The following PKHD1 variants were observed in gnomAD, a reference collection of about 807,000 sequenced individuals.
PKHD1 encodes fibrocystin.
PKHD1 carries 291 observed loss-of-function variants against 412.0 expected under a neutral mutation model. That is an observed-to-expected ratio of 0.71 (90% CI 0.64 to 0.78). The LOEUF (loss-of-function observed/expected upper bound fraction) is 0.78. Among genes scored for constraint, PKHD1 ranks in the 30% least tolerant of loss-of-function variants. The probability of loss-of-function intolerance (pLI) is 0.00; values close to 1 mark genes in which losing one functional copy is unlikely to be tolerated. For synonymous variants in PKHD1, 1,777 were observed against 1,821.5 expected (o/e 0.98, Z 0.62); for missense variants, 4,825 against 4,950.7 (o/e 0.97, Z 0.76).
rs75668164 is a variant in PKHD1, at chr6:52,041,897, T to C, written c.3097+962A>G. On this transcript the variant is annotated intron_variant, in intron 27 of 66. Coordinates refer to ENST00000371117, the MANE Select transcript of PKHD1 (RefSeq NM_138694.4). ...GCACTTTGTCTAGGGGAAACAAAAA[T>C]GACTGAGTCACCTGTTTGCCTTAAG... is the stretch of plus-strand genomic sequence containing the variant. Among the ~76,000 whole-genome samples the C allele has an allele frequency of 7.4e-4, 113 of 152,288 alleles. 2 individuals carry two copies. The East Asian group carries it at 0.016, about 22-fold the overall frequency.
chr6:51,981,669 A>G (rs1795329950), intron 35 of PKHD1, among the ~76,000 whole-genome samples: 1 of 140,568 alleles, frequency 7.1e-6, no homozygotes, highest in Non-Finnish European at 1.6e-5. Flanking sequence ...GGCTCGCTAC[A>G]GCCTCCACCT....
intron 55 of PKHD1, among the ~76,000 whole-genome samples, chr6:51,761,795 T>C (rs1788060607): frequency 2.6e-5 from 4 of 151,920 alleles, no homozygotes. Context: ...AGACTGGATG[T>C]CTTATATATT....
In PKHD1 at chr6:51,748,264, A is replaced by T; in HGVS notation, c.9352T>A (p.Trp3118Arg). ...CTTGAATGCGCCACATTGTCAGACC[A>T]AAGCAGTTCACAAGAGGAGCACTTG... ...GHKCSSCELLWSDNVAHSSLH... is the reference protein window; with the variant it reads ...GHKCSSCELLRSDNVAHSSLH... Residue 3118 changes from tryptophan to arginine, a missense_variant, in exon 58 of 67, where the codon TGG becomes AGG. Physicochemically the swap from Trp to Arg is moderately radical, Grantham distance 101. Coordinates refer to ENST00000371117, the MANE Select transcript of PKHD1 (RefSeq NM_138694.4). 1 of 1,614,070 alleles carries T rather than the reference A, an allele frequency of 6.2e-7. No homozygotes were observed. Among genetic ancestry groups the T allele is most frequent in the Non-Finnish European group, 8.5e-7 (1 of 1,179,978 alleles).
At chr6:52,045,315 G>A (rs2128187094) in intron 24 of PKHD1, among the ~76,000 whole-genome samples, 1 of 152,258 alleles carries the variant, frequency 6.6e-6, no homozygotes, top group South Asian at 2.1e-4. Context: ...TGCCAAAAGA[G>A]GTACAATAAA....
Position 52,059,981 on chromosome 6 carries a change from C to T in PKHD1, c.1180G>A (p.Ala394Thr), listed in dbSNP as rs1582024305. 1.9e-6 allele frequency: 3 copies of T among 1,610,866 alleles called. No individual in the cohort carries two copies. Among genetic ancestry groups the T allele is most frequent in the Non-Finnish European group, 2.5e-6 (3 of 1,177,090 alleles). ...ETNNYTFWIQADSQASLHFSW... is the reference protein window; with the variant it reads ...ETNNYTFWIQTDSQASLHFSW... ...AAATGCAAGGAAGCTTGGCTATCTG[C>T]CTGAATCCAGAAAGTGTAATTATTT... The change falls in exon 15 of 67, where the codon GCA becomes ACA. Residue 394 changes from alanine to threonine, a missense_variant. Ala to Thr is a moderately conservative substitution (Grantham distance 58, BLOSUM62 0). Transcript: ENST00000371117.
At chr6:52,048,709 G>T (rs983804856) in intron 22 of PKHD1, 90 bp from the exon 23 acceptor site, 1 of 1,506,320 alleles carries the variant, frequency 6.6e-7, no homozygotes, top group Non-Finnish European at 9.1e-7. Flanking sequence ...TCTTGCTTAG[G>T]CTGCAGCCTT....
At chr6:51,685,165 G>C (rs1447806210) in intron 60 of PKHD1, among the ~76,000 whole-genome samples, 1 of 152,012 alleles carries the variant, frequency 6.6e-6, no homozygotes, top group African/African-American at 2.4e-5. Context: ...TACACATCTG[G>C]CCAATTCTTT....
intron 11 of PKHD1, among the ~76,000 whole-genome samples, chr6:52,066,920 A>T (rs1198859213): frequency 6.6e-6 from 1 of 152,138 alleles, no homozygotes; most frequent in East Asian, 1.9e-4. Flanking sequence ...AAAATAAAAA[A>T]TTTAAAAAAA....
intron 35 of PKHD1, among the ~76,000 whole-genome samples, chr6:51,968,659 C>A (rs1793207771): frequency 2.0e-5 from 3 of 152,266 alleles, no homozygotes; most frequent in Admixed American, 2.0e-4. Context: ...GACTTGAACT[C>A]CTCTAAGGAA....
intron 35 of PKHD1, among the ~76,000 whole-genome samples, chr6:51,991,482 C>A (rs1289466061): frequency 6.6e-6 from 1 of 152,092 alleles, no homozygotes; most frequent in Non-Finnish European, 1.5e-5. Context: ...ATAACATAGT[C>A]CTCACTTAAA....
intron 22 of PKHD1, 95 bp from the exon 23 acceptor site, chr6:52,048,714 A>G: frequency 1.4e-6 from 2 of 1,476,116 alleles, no homozygotes; most frequent in Non-Finnish European, 1.9e-6. Context: ...CTTAGGCTGC[A>G]GCCTTCCAGA....
At chr6:51,641,855 T>C (rs1001438874) in intron 63 of PKHD1, among the ~76,000 whole-genome samples, 3 of 151,986 alleles carry the variant, frequency 2.0e-5, no homozygotes, top group Admixed American at 6.5e-5. Flanking sequence ...TGAGAACATA[T>C]GGGCACAGGG....
At chr6:52,085,429 A>G (rs1360443684) in intron 1 of PKHD1, among the ~76,000 whole-genome samples, 1 of 151,994 alleles carries the variant, frequency 6.6e-6, no homozygotes, top group Non-Finnish European at 1.5e-5. Flanking sequence ...CGCCGTTCTC[A>G]CCGTCACTCA....
intron 53 of PKHD1, among the ~76,000 whole-genome samples, chr6:51,779,136 A>G (rs961042656): frequency 6.6e-6 from 1 of 152,148 alleles, no homozygotes; most frequent in Non-Finnish European, 1.5e-5. Flanking sequence ...AGTGTTATTT[A>G]TTTATAATTG....
At chr6:51,914,177 T>G (rs1583340816) in intron 37 of PKHD1, among the ~76,000 whole-genome samples, 2 of 152,276 alleles carry the variant, frequency 1.3e-5, no homozygotes, top group Non-Finnish European at 2.9e-5. Flanking sequence ...AAGCTACGCA[T>G]GGCAGAACCA....
At position 52,065,077 on chromosome 6, in the gene PKHD1, A is replaced by G. The variant is rs200058048; in HGVS notation, c.881-27T>C. On this transcript the variant is annotated intron_variant, in intron 12 of 66. Coordinates refer to ENST00000371117, the MANE Select transcript of PKHD1 (RefSeq NM_138694.4). ...TAAAGCGAATTAAAGAAATTTATGTATGTGTGTGTGTGTAGGTATACATAT... is the reference window on the plus strand; with the variant it reads ...TAAAGCGAATTAAAGAAATTTATGTGTGTGTGTGTGTGTAGGTATACATAT... The G allele has an allele frequency of 3.1e-5, 36 of 1,151,848 alleles. No individual in the cohort carries two copies. The African/African-American group carries it at 4.4e-4, about 14-fold the overall frequency. 71.4% of individuals were successfully genotyped at this position (1,151,848 alleles called of 1,614,324 possible).
intron 23 of PKHD1, among the ~76,000 whole-genome samples, chr6:52,047,733 G>T (rs188329045): frequency 2.2e-4 from 34 of 152,206 alleles, no homozygotes; most frequent in African/African-American, 7.9e-4. Context: ...CAAATACCTG[G>T]GTTCACAACT....
chr6:51,660,109 C>T (rs997153223), intron 60 of PKHD1, 140 bp from the exon 61 acceptor site: 1 of 565,296 alleles, frequency 1.8e-6, no homozygotes. Context: ...ACTGAGAGTG[C>T]AAGGAAGATT....
At position 52,084,990 on chromosome 6, in the gene PKHD1, T is replaced by C; in HGVS notation, c.-57A>G. 1 of 1,163,288 alleles carries C rather than the reference T, an allele frequency of 8.6e-7. No homozygotes were observed. The highest frequency in any genetic ancestry group is 2.3e-5 in the East Asian group (1 of 42,768). 72.1% of individuals were successfully genotyped at this position (1,163,288 alleles called of 1,614,324 possible). A position where few individuals can be genotyped will look rare whatever the true frequency, so the allele number is the denominator to read the frequency against. ...GCTCAGACATTAAAAGCATTTTCAG[T>C]TTTGATTGGAGCAGCATAGCTTTTG... On this transcript the variant is annotated 5_prime_UTR_variant, in exon 2 of 67. Coordinates refer to ENST00000371117, the MANE Select transcript of PKHD1 (RefSeq NM_138694.4).
Sources: gnomAD v4.1 joint callset for allele counts (sites outside exome capture counted in the v4.1 genomes callset) on GRCh38, gnomAD v4.1.1 for gene constraint, MANE v1.5 for transcripts, NCBI Gene and HGNC (gene_info 2026-07-23, HGNC 2026-07-21) for gene names.